MYRF: variants seen among roughly 807,000 people sequenced by gnomAD.
MYRF encodes myelin regulatory factor.
MYRF carries 16 observed loss-of-function variants against 126.3 expected under a neutral mutation model. That is an observed-to-expected ratio of 0.13 (90% CI 0.09 to 0.19). The LOEUF is 0.19. MYRF is among the 10% of genes least tolerant of loss of function. The probability of loss-of-function intolerance (pLI) is 1.00; values close to 1 mark genes in which losing one functional copy is unlikely to be tolerated. For synonymous variants in MYRF, 608 were observed against 635.3 expected, an observed-to-expected ratio of 0.96 and a Z score of 0.65; for missense variants, 1,104 against 1,547.0, an observed-to-expected ratio of 0.71 and a Z score of 4.80.
At chr11:61,761,389 G>T (rs1017499853) in intron 1 of MYRF, among the ~76,000 whole-genome samples, 7 of 152,206 alleles carry the variant, frequency 4.6e-5, no homozygotes, top group African/African-American at 1.7e-4. Flanking sequence ...CTGGCCAGCT[G>T]GGGTGGCCTT....
chr11:61,772,727 C>T (rs888246935), intron 7 of MYRF, among the ~76,000 whole-genome samples: 10 of 152,244 alleles, frequency 6.6e-5, no homozygotes, highest in Admixed American at 4.6e-4. Flanking sequence ...CACCCCAGGC[C>T]CCAAGGCCAG....
chr11:61,779,182 G>C, intron 14 of MYRF, 81 bp from the exon 15 acceptor site: 1 of 1,440,592 alleles, frequency 6.9e-7, no homozygotes, highest in African/African-American at 1.4e-5. Flanking sequence ...CCTGCCCCCT[G>C]ATGTCTGGCA....
chr11:61,774,189 G>A, intron 8 of MYRF, 27 bp downstream of exon 8: 2 of 1,570,708 alleles, frequency 1.3e-6, no homozygotes, highest in Non-Finnish European at 1.7e-6. Context: ...GCAAGGAAGG[G>A]AGGGCAGGAG....
rs1002943771 is a variant in MYRF at position 61,777,129 on chromosome 11, G to A, written c.1591-135G>A. 2.1e-6 allele frequency: 2 copies of A among 966,246 alleles called. No individual in the cohort carries two copies. The highest frequency in any genetic ancestry group is 3.0e-6 in the Non-Finnish European group (2 of 656,890). 59.9% of individuals were successfully genotyped at this position (966,246 alleles called of 1,614,324 possible). On this transcript the variant is annotated intron_variant, in intron 11 of 26. Coordinates refer to ENST00000278836, the MANE Select transcript of MYRF (RefSeq NM_001127392.3). The surrounding 1 kb of genome is among the most constrained non-coding windows in gnomAD (Gnocchi z 8.8). ...AAAAGTTGTCACAGTGGGAGGGACA[G>A]TTCAAGTTGGGCTTGGTGCAGTGAG...
Position 61,780,984 on chromosome 11 carries a change from G to T in MYRF, c.2511G>T (p.Thr837=). 1 of 1,610,010 alleles carries T rather than the reference G, an allele frequency of 6.2e-7. No individual in the cohort carries two copies. ...GGTCCAGCCAGAGCTTTGGGACCAC[G>T]CAGCTCCGACAGTCCCCCTTGACCA... is the stretch of plus-strand genomic sequence containing the variant. ...CPWSSQSFGT[T]QLRQSPLTTG... The change falls in exon 20 of 27, where the codon ACG becomes ACT. Residue 837 remains threonine, a synonymous_variant. Transcript: ENST00000278836.
intron 1 of MYRF, 134 bp from the exon 2 acceptor site, chr11:61,765,491 G>T: frequency 6.1e-6 from 4 of 655,648 alleles, no homozygotes; most frequent in Non-Finnish European, 1.0e-5. Context: ...CCCCCACATG[G>T]ATACCTGGGT....
intron 1 of MYRF, chr11:61,755,656 C>A (rs908016821): frequency 1.4e-6 from 1 of 717,362 alleles, no homozygotes; most frequent in African/African-American, 1.7e-5. Context: ...GAGGGGGTGG[C>A]AGAGAAGAAC....
chr11:61,774,538 A>G (rs1272809682), intron 8 of MYRF, among the ~76,000 whole-genome samples: 14 of 151,024 alleles, frequency 9.3e-5, no homozygotes, highest in Admixed American at 8.5e-4. Context: ...AAAAAAGAAA[A>G]AAAAAAAAGC....
chr11:61,756,327 G>A (rs1478151698), intron 1 of MYRF, among the ~76,000 whole-genome samples: 1 of 152,114 alleles, frequency 6.6e-6, no homozygotes. Flanking sequence ...ACCTGTCAGG[G>A]ACCAACATCT....
intron 1 of MYRF, among the ~76,000 whole-genome samples, chr11:61,764,320 G>A (rs2065990433): frequency 1.3e-5 from 2 of 152,332 alleles, no homozygotes; most frequent in Non-Finnish European, 2.9e-5. Context: ...CGGCTGTTCC[G>A]ACCGATGAGC....
intron 3 of MYRF, 44 bp from the exon 4 acceptor site, chr11:61,769,205 TGGAAGGCAGAA>T: frequency 9.4e-7 from 1 of 1,066,712 alleles, no homozygotes; most frequent in East Asian, 2.6e-5. Flanking sequence ...GCTGCCCAGC[TGGAAGGCAGAA>T]GCTCAGCTGC....
rs748345718 is a variant in MYRF, at chr11:61,766,096, A to C, written c.273A>C (p.Pro91=). 6.2e-7 allele frequency: 1 copy of C among 1,604,682 alleles called. No individual in the cohort carries two copies. Reference sequence around the variant, plus strand: ...CCCCGGGGCGCCATGGTCCCCTCCCACCCCCGGGCTACGGCACCCCGCTGA... The same window carrying C: ...CCCCGGGGCGCCATGGTCCCCTCCCCCCCCCGGGCTACGGCACCCCGCTGA... ...GPSPGRHGPL[P]PPGYGTPLNC... is the part of the protein sequence containing the mutation. The change falls in exon 3 of 27, where the codon CCA becomes CCC. Residue 91 remains proline (P), a synonymous_variant. Coordinates refer to ENST00000278836, the MANE Select transcript of MYRF (RefSeq NM_001127392.3).
Position 61,783,401 on chromosome 11 carries a change from A to G in MYRF, c.3017-97A>G. ...GAAAAAAATAACCTGGAACTTATTCATACTAAGGTGTGAGTGACTGCTTCA... is the reference window on the plus strand; with the variant it reads ...GAAAAAAATAACCTGGAACTTATTCGTACTAAGGTGTGAGTGACTGCTTCA... On this transcript the variant is annotated intron_variant, in intron 22 of 26. Coordinates refer to ENST00000278836, the MANE Select transcript of MYRF (RefSeq NM_001127392.3). This position sits in a 1 kb window ranked among gnomAD's most constrained non-coding sequence, Gnocchi z 4.6. The G allele has an allele frequency of 1.1e-6, 1 of 904,416 alleles. No individual in the cohort carries two copies. Among genetic ancestry groups the G allele is most frequent in the Non-Finnish European group, 1.8e-6 (1 of 560,328 alleles). 56.0% of individuals were successfully genotyped at this position (904,416 alleles called of 1,614,324 possible). A position where few individuals can be genotyped will look rare whatever the true frequency, so the allele number is the denominator to read the frequency against.
rs2066738443 is a variant in MYRF, at chr11:61,788,204, T to C, written c.*2061T>C. On this transcript the variant is annotated 3_prime_UTR_variant, in exon 27 of 27. Transcript: ENST00000278836. ...CATCCCTCCCTTCTTCTCTCTCCTT[T>C]GGCGTTTGTTCCTGTAGTCACTGGG... 6.5e-6 allele frequency: 1 copy of C among 152,714 alleles called. No individual in the cohort carries two copies. The highest frequency in any genetic ancestry group is 2.1e-4 in the South Asian group (1 of 4,820). 9.5% of individuals were successfully genotyped at this position (152,714 alleles called of 1,614,324 possible).
rs1181806312 is a variant in MYRF at position 61,757,455 on chromosome 11, T to C, written c.46+4665T>C. On this transcript the variant is annotated intron_variant, in intron 1 of 26. Transcript: ENST00000278836. This position sits in a 1 kb window ranked among gnomAD's most constrained non-coding sequence, Gnocchi z 4.7. ...AGATTGTGCCTGGCCTGGTGAACAC[T>C]CCATTGGTCCATGGCAGGTGTTCTG... 1.5e-5 allele frequency: 7 copies of C among 455,598 alleles called. No individual in the cohort carries two copies. In the East Asian group the frequency reaches 4.2e-4, roughly 27 times the overall value. 28.2% of individuals were successfully genotyped at this position (455,598 alleles called of 1,614,324 possible).
chr11:61,777,904 G>A lies in MYRF; in HGVS notation c.1903+59G>A, dbSNP rs1294988276. ...AAACCCAGAAACCTCGGGCCTCAGTGACCTTGCCCCCTGTCACCTGGAAAT... is the reference window on the plus strand; with the variant it reads ...AAACCCAGAAACCTCGGGCCTCAGTAACCTTGCCCCCTGTCACCTGGAAAT... On this transcript the variant is annotated intron_variant, in intron 13 of 26. Transcript: ENST00000278836. This position sits in a 1 kb window ranked among gnomAD's most constrained non-coding sequence, Gnocchi z 8.8. 1 of 1,356,320 alleles carries A rather than the reference G, an allele frequency of 7.4e-7. No individual in the cohort carries two copies. The highest frequency in any genetic ancestry group is 1.5e-5 in the African/African-American group (1 of 68,834). The allele number at this position is 1,356,320 out of a possible 1,614,324, so 84.0% of individuals were successfully genotyped here.
At chr11:61,775,165 C>T (rs904757120) in intron 8 of MYRF, among the ~76,000 whole-genome samples, 3 of 152,294 alleles carry the variant, frequency 2.0e-5, no homozygotes, top group South Asian at 2.1e-4. Flanking sequence ...AGCTGGGACC[C>T]CCAACTCCTG....
At chr11:61,774,508 C>T (rs1435441980) in intron 8 of MYRF, among the ~76,000 whole-genome samples, 1 of 141,932 alleles carries the variant, frequency 7.0e-6, no homozygotes, top group Non-Finnish European at 1.5e-5. Context: ...GGCAACAGAG[C>T]GGGACTTCAT....
At chr11:61,766,689 A>T (rs1341013173) in intron 3 of MYRF, 1 of 257,728 alleles carries the variant, frequency 3.9e-6, no homozygotes, top group Non-Finnish European at 7.6e-6. Flanking sequence ...TGGGGCCCAG[A>T]ACCCAGGCCC....
Sources: allele counts gnomAD v4.1 joint callset (sites outside exome capture counted in the v4.1 genomes callset), GRCh38; gene constraint gnomAD v4.1.1; non-coding constraint Gnocchi (gnomAD v3.1); transcripts MANE v1.5; gene names NCBI Gene and HGNC (gene_info 2026-07-23, HGNC 2026-07-21).